CAVIN2: variants seen among roughly 807,000 people sequenced by gnomAD.
The protein encoded by CAVIN2 is caveolae-associated protein 2.
Under a neutral mutation model 11.7 loss-of-function variants are expected in CAVIN2, and 13 were observed. That is an observed-to-expected ratio of 1.11 (90% CI 0.72 to 1.77). CAVIN2 has a LOEUF of 1.77. CAVIN2 is among the 40% of genes most tolerant of loss of function. CAVIN2 has a pLI of 0.00. For synonymous variants in CAVIN2, 237 were observed against 223.2 expected (o/e 1.06, Z -0.55); for missense variants, 549 against 542.9 (o/e 1.01, Z -0.11).
chr2:191,842,038 C>T (rs180905892), intron 1 of CAVIN2, among the ~76,000 whole-genome samples: 2 of 152,172 alleles, frequency 1.3e-5, no homozygotes, highest in South Asian at 4.1e-4. Context: ...CCTATATCCT[C>T]ATTTCTTCCA....
In CAVIN2 at chr2:191,835,737, T is replaced by C; in HGVS notation, c.*186A>G. Reference sequence around the variant, plus strand: ...ACCTAAGAGCAAATTAAAAGTGGAGTCCGTGACAGGTCGCTTTCATGGTAA... The same window carrying C: ...ACCTAAGAGCAAATTAAAAGTGGAGCCCGTGACAGGTCGCTTTCATGGTAA... On this transcript the variant is annotated 3_prime_UTR_variant, in exon 2 of 2. Coordinates refer to ENST00000304141, the MANE Select transcript of CAVIN2 (RefSeq NM_004657.6). The C allele has an allele frequency of 1.7e-6, 1 of 586,832 alleles. No individual in the cohort carries two copies. Among genetic ancestry groups the C allele is most frequent in the Non-Finnish European group, 3.0e-6 (1 of 337,572 alleles). 36.4% of individuals were successfully genotyped at this position (586,832 alleles called of 1,614,324 possible). A position where few individuals can be genotyped will look rare whatever the true frequency, so the allele number is the denominator to read the frequency against.
chr2:191,844,381 C>A (rs1200268950), intron 1 of CAVIN2, among the ~76,000 whole-genome samples: 2 of 152,106 alleles, frequency 1.3e-5, no homozygotes, highest in Non-Finnish European at 2.9e-5. Flanking sequence ...CTTGCGATGC[C>A]TTGAGAGTTG....
rs918597080 is a variant in CAVIN2, at chr2:191,835,146, A to G, written c.*777T>C. 6.6e-5 allele frequency: 10 copies of G among 152,090 alleles called. No individual in the cohort carries two copies. Among genetic ancestry groups the G allele is most frequent in the African/African-American group, 1.2e-4 (5 of 41,450 alleles). The allele number at this position is 152,090 out of a possible 1,614,324, so 9.4% of individuals were successfully genotyped here. ...TCCAGGATATACGAACTTCTTTAGTATTTTTATTTAAAGAGTGAAATAGTT... is the reference window on the plus strand; with the variant it reads ...TCCAGGATATACGAACTTCTTTAGTGTTTTTATTTAAAGAGTGAAATAGTT... On this transcript the variant is annotated 3_prime_UTR_variant, in exon 2 of 2. Transcript: ENST00000304141.
At chr2:191,843,113 G>A (rs1690116193) in intron 1 of CAVIN2, among the ~76,000 whole-genome samples, 1 of 152,334 alleles carries the variant, frequency 6.6e-6, no homozygotes, top group East Asian at 1.9e-4. Context: ...GAACCCAGGA[G>A]GTGGAGTTTG....
At chr2:191,846,386 G>A in intron 1 of CAVIN2, 57 bp downstream of exon 1, 1 of 1,524,068 alleles carries the variant, frequency 6.6e-7, no homozygotes, top group East Asian at 2.4e-5. Flanking sequence ...GGATGAGCGA[G>A]ATCAAGAATG....
chr2:191,838,509 A>T (rs982545307), intron 1 of CAVIN2, among the ~76,000 whole-genome samples: 6 of 152,204 alleles, frequency 3.9e-5, no homozygotes, highest in African/African-American at 1.2e-4. Flanking sequence ...ACGATATCAT[A>T]TATTGTGTTT....
intron 1 of CAVIN2, among the ~76,000 whole-genome samples, chr2:191,845,905 T>A (rs1690158951): frequency 6.6e-6 from 1 of 152,214 alleles, no homozygotes; most frequent in Non-Finnish European, 1.5e-5. Context: ...AGAACAAGGC[T>A]AACTCTAATG....
In CAVIN2 at chr2:191,834,933, G is replaced by A. The variant is rs1486920247; in HGVS notation, c.*990C>T. 6.6e-6 allele frequency: 1 copy of A among 152,018 alleles called. No homozygotes were observed. Among genetic ancestry groups the A allele is most frequent in the Admixed American group, 6.5e-5 (1 of 15,272 alleles). 9.4% of individuals were successfully genotyped at this position (152,018 alleles called of 1,614,324 possible). On this transcript the variant is annotated 3_prime_UTR_variant, in exon 2 of 2. Transcript: ENST00000304141. ...GTATGAGCTAAGTTTCCACAAAACAGTATATATTAATTGTATTTTGAAGAT... is the reference window on the plus strand; with the variant it reads ...GTATGAGCTAAGTTTCCACAAAACAATATATATTAATTGTATTTTGAAGAT...
intron 1 of CAVIN2, among the ~76,000 whole-genome samples, chr2:191,837,631 G>A (rs1332875055): frequency 6.6e-6 from 1 of 152,196 alleles, no homozygotes; most frequent in Admixed American, 6.5e-5. Context: ...CTCTCAAGGA[G>A]CAGCACCTGA....
At chr2:191,845,481 C>T (rs969804778) in intron 1 of CAVIN2, among the ~76,000 whole-genome samples, 1 of 152,204 alleles carries the variant, frequency 6.6e-6, no homozygotes, top group Non-Finnish European at 1.5e-5. Context: ...CGAGACAGCC[C>T]TGGAGCGAGG....
rs535558653 is a variant in CAVIN2 at position 191,839,487 on chromosome 2, T to C, written c.484-2770A>G. On this transcript the variant is annotated intron_variant, in intron 1 of 1. Transcript: ENST00000304141. ...TGAGGACAGCTTTGAGGAAAGTTAT[T>C]ATAAGGTGAATCATATATGATCTGT... Among the ~76,000 whole-genome samples the C allele has an allele frequency of 3.5e-4, 53 of 152,336 alleles. No individual in the cohort carries two copies. The South Asian group carries it at 0.01, about 29-fold the overall frequency.
chr2:191,838,622 G>A lies in CAVIN2; in HGVS notation c.484-1905C>T, dbSNP rs79714088. On this transcript the variant is annotated intron_variant, in intron 1 of 1. Coordinates refer to ENST00000304141, the MANE Select transcript of CAVIN2 (RefSeq NM_004657.6). Reference sequence around the variant, plus strand: ...AAATAAATAAAAGGAGCATGGGACTGCCACAGGTTATTTATAACATGGCCT... The same window carrying A: ...AAATAAATAAAAGGAGCATGGGACTACCACAGGTTATTTATAACATGGCCT... Among the ~76,000 whole-genome samples the A allele has an allele frequency of 2.7e-3, 405 of 152,326 alleles. 14 individuals are homozygous for A. The East Asian group carries it at 0.061, about 23-fold the overall frequency.
chr2:191,834,837 C>T lies in CAVIN2; in HGVS notation c.*1086G>A, dbSNP rs1689988647. The T allele has an allele frequency of 6.6e-6, 1 of 151,918 alleles. No homozygotes were observed. The highest frequency in any genetic ancestry group is 2.1e-4 in the South Asian group (1 of 4,810). The allele number at this position is 151,918 out of a possible 1,614,324, so 9.4% of individuals were successfully genotyped here. Reference sequence around the variant, plus strand: ...CACTTCCAAAACCTATAGATTTTAGCATCTTATAAGCCTACATCACATCAC... The same window carrying T: ...CACTTCCAAAACCTATAGATTTTAGTATCTTATAAGCCTACATCACATCAC... On this transcript the variant is annotated 3_prime_UTR_variant, in exon 2 of 2. Coordinates refer to ENST00000304141, the MANE Select transcript of CAVIN2 (RefSeq NM_004657.6).
chr2:191,836,825 A>C, intron 1 of CAVIN2, 108 bp from the exon 2 acceptor site: 1 of 1,086,204 alleles, frequency 9.2e-7, no homozygotes, highest in Non-Finnish European at 1.3e-6. Flanking sequence ...TGGTAAAAAA[A>C]CAAATGTTTG....
At position 191,835,695 on chromosome 2, in the gene CAVIN2, C is replaced by G. The variant is rs1208266135; in HGVS notation, c.*228G>C. 1 of 492,216 alleles carries G rather than the reference C, an allele frequency of 2.0e-6. No individual in the cohort carries two copies. The highest frequency in any genetic ancestry group is 3.6e-6 in the Non-Finnish European group (1 of 279,244). 30.5% of individuals were successfully genotyped at this position (492,216 alleles called of 1,614,324 possible). A position where few individuals can be genotyped will look rare whatever the true frequency, so the allele number is the denominator to read the frequency against. On this transcript the variant is annotated 3_prime_UTR_variant, in exon 2 of 2. Coordinates refer to ENST00000304141, the MANE Select transcript of CAVIN2 (RefSeq NM_004657.6). The stretch of plus-strand genomic sequence containing the variant: ...TCAGTTTCTTCTTCAATCTTGGAGA[C>G]ATTCTACAGAGATAGAACCTAAGAG...
chr2:191,844,078 T>C (rs1690132162), intron 1 of CAVIN2, among the ~76,000 whole-genome samples: 1 of 152,018 alleles, frequency 6.6e-6, no homozygotes, highest in African/African-American at 2.4e-5. Context: ...AAGTGCTTGA[T>C]TTTTTTTGCT....
Position 191,843,179 on chromosome 2 carries a change from G to A in CAVIN2, c.483+3264C>T, listed in dbSNP as rs536749722. ...AGCCTTGGCAACAGAGCGAGACTCC[G>A]TCTCAAAGAAAAAAAAGAAAAAAAA... On this transcript the variant is annotated intron_variant, in intron 1 of 1. Coordinates refer to ENST00000304141, the MANE Select transcript of CAVIN2 (RefSeq NM_004657.6). Among the ~76,000 whole-genome samples, 23 of 152,102 alleles carry A rather than the reference G, an allele frequency of 1.5e-4. No individual in the cohort carries two copies. The South Asian group carries it at 2.5e-3, about 16-fold the overall frequency.
Position 191,835,977 on chromosome 2 carries a change from G to A in CAVIN2, c.1224C>T (p.Arg408=). Residue 408 remains arginine (R), a synonymous_variant, in exon 2 of 2, where the codon CGC becomes CGT. Transcript: ENST00000304141. ...SYALTSEEAE[R]SDGDPVQPAV... Reference sequence around the variant, plus strand: ...CGGGCTGCACGGGGTCCCCATCGGAGCGCTCCGCCTCCTCGGATGTTAGCG... The same window carrying A: ...CGGGCTGCACGGGGTCCCCATCGGAACGCTCCGCCTCCTCGGATGTTAGCG... The A allele has an allele frequency of 6.2e-7, 1 of 1,614,116 alleles. No homozygotes were observed. Among genetic ancestry groups the A allele is most frequent in the Non-Finnish European group, 8.5e-7 (1 of 1,180,042 alleles).
rs1200596918 is a variant in CAVIN2 at position 191,835,773 on chromosome 2, C to T, written c.*150G>A. ...TCGCTTTCATGGTAAAGCCTGGTCT[C>T]GTGTGTCTTACTATGACTATATGGT... On this transcript the variant is annotated 3_prime_UTR_variant, in exon 2 of 2. Transcript: ENST00000304141. 27 of 734,544 alleles carry T rather than the reference C, an allele frequency of 3.7e-5. No homozygotes were observed. The highest frequency in any genetic ancestry group is 4.3e-5 in the Non-Finnish European group (20 of 463,672). The allele number at this position is 734,544 out of a possible 1,614,324, so 45.5% of individuals were successfully genotyped here. A position where few individuals can be genotyped will look rare whatever the true frequency, so the allele number is the denominator to read the frequency against.
Sources: allele counts gnomAD v4.1 joint callset (sites outside exome capture counted in the v4.1 genomes callset), GRCh38; gene constraint gnomAD v4.1.1; transcripts MANE v1.5; gene names NCBI Gene and HGNC (gene_info 2026-07-23, HGNC 2026-07-21).